TBC1D5: variants seen among roughly 807,000 people sequenced by gnomAD.
TBC1D5 encodes TBC1 domain family member 5.
A neutral mutation model predicts 100.3 loss-of-function variants in TBC1D5; 75 were observed. That is an observed-to-expected ratio of 0.75 (90% CI 0.62 to 0.91). The LOEUF (loss-of-function observed/expected upper bound fraction) is 0.91. Among genes scored for constraint, TBC1D5 ranks in the 40% least tolerant of loss-of-function variants. The pLI, the probability that TBC1D5 is intolerant of heterozygous loss-of-function variation, is 0.00. For missense variants in TBC1D5, 910 were observed against 942.4 expected (o/e 0.97, Z 0.45); for synonymous variants, 323 against 325.6 (o/e 0.99, Z 0.09).
chr3:17,309,315 G>GT (rs1454226043), intron 13 of TBC1D5, among the ~76,000 whole-genome samples: 5 of 151,774 alleles, frequency 3.3e-5, no homozygotes, highest in Non-Finnish European at 7.4e-5. Context: ...TTAAACACAA[G>GT]TTTTTTTATT....
At chr3:17,489,022 C>A (rs1287573893) in intron 3 of TBC1D5, among the ~76,000 whole-genome samples, 3 of 151,364 alleles carry the variant, frequency 2.0e-5, no homozygotes, top group Non-Finnish European at 4.4e-5. Flanking sequence ...GACTCCGGTC[C>A]ATGGAAAAAT....
Position 17,280,615 on chromosome 3 carries a change from C to T in TBC1D5, c.1245+11280G>A, listed in dbSNP as rs534212632. Among the ~76,000 whole-genome samples the T allele has an allele frequency of 8.0e-4, 122 of 152,226 alleles. 1 individual carries two copies. The highest frequency in any genetic ancestry group is 2.9e-3 in the African/African-American group (121 of 41,532). On this transcript the variant is annotated intron_variant, in intron 15 of 21. Coordinates refer to ENST00000253692, the Ensembl canonical transcript of TBC1D5. ...GTTTGATGGTGTCGCTTTGGAAAGC[C>T]GGACTCCAGGGGAAGATCATCTTCC...
intron 13 of TBC1D5, among the ~76,000 whole-genome samples, chr3:17,336,912 AGAG>A: frequency 6.6e-6 from 1 of 152,264 alleles, no homozygotes. Flanking sequence ...ACTTTGCACA[AGAG>A]AAGATATAGT....
At chr3:17,450,816 A>G (rs528489232) in intron 3 of TBC1D5, among the ~76,000 whole-genome samples, 17 of 152,318 alleles carry the variant, frequency 1.1e-4, no homozygotes, top group Non-Finnish European at 1.2e-4. Flanking sequence ...ACACTTCAGG[A>G]TATTATCCAA....
intron 1 of TBC1D5, among the ~76,000 whole-genome samples, chr3:17,659,762 C>T (rs2066468354): frequency 6.6e-6 from 1 of 152,144 alleles, no homozygotes; most frequent in Non-Finnish European, 1.5e-5. Context: ...TTTTTTCTTA[C>T]ATACCAGTAT....
Position 17,702,495 on chromosome 3 carries a change from T to C in TBC1D5, c.-101+36848A>G, listed in dbSNP as rs2073352457. The C allele has an allele frequency of 3.3e-5, 5 of 152,092 alleles. No individual in the cohort carries two copies. In the South Asian group the frequency reaches 1.0e-3, roughly 32 times the overall value. The allele number at this position is 152,092 out of a possible 1,614,324, so 9.4% of individuals were successfully genotyped here. On this transcript the variant is annotated intron_variant, in intron 1 of 21. Coordinates refer to ENST00000253692, the Ensembl canonical transcript of TBC1D5. The stretch of plus-strand genomic sequence containing the variant: ...TGTAAAAGAACATAGTGAACGGCAT[T>C]AAAAAATACACAGAAAAGGATACAT...
chr3:17,341,893 C>A (rs2089016773), intron 13 of TBC1D5, among the ~76,000 whole-genome samples: 1 of 152,118 alleles, frequency 6.6e-6, no homozygotes, highest in Non-Finnish European at 1.5e-5. Context: ...GTAATTACTC[C>A]TAGTCCTTAA....
chr3:17,484,228 T>C (rs1258933015), intron 3 of TBC1D5, among the ~76,000 whole-genome samples: 2 of 152,180 alleles, frequency 1.3e-5, no homozygotes, highest in Non-Finnish European at 2.9e-5. Flanking sequence ...ATTTTCGATA[T>C]GAAACCTGTC....
rs1251471142 is a variant in TBC1D5, at chr3:17,585,965, G to C, written c.-36+37884C>G. Among the ~76,000 whole-genome samples the C allele has an allele frequency of 2.0e-5, 3 of 152,068 alleles. No individual in the cohort carries two copies. In the East Asian group the frequency reaches 5.8e-4, roughly 29 times the overall value. On this transcript the variant is annotated intron_variant, in intron 2 of 21. Transcript: ENST00000253692. Reference sequence around the variant, plus strand: ...TTCCTACTTCTTTAAGAAATGGTGGGGGAGTGGGGAGTGGAGAAAAGAAAA... The same window carrying C: ...TTCCTACTTCTTTAAGAAATGGTGGCGGAGTGGGGAGTGGAGAAAAGAAAA...
rs6807287 is a variant in TBC1D5, at chr3:17,457,693, T to G, written c.98-29174A>C. Among the ~76,000 whole-genome samples the G allele has an allele frequency of 7.0e-3, 1,071 of 152,268 alleles. 8 individuals are homozygous for G. Among genetic ancestry groups the G allele is most frequent in the African/African-American group, 0.024 (1,007 of 41,546 alleles). On this transcript the variant is annotated intron_variant, in intron 3 of 21. Transcript: ENST00000253692. ...TTTGGTTCTAATTGCTTTATCTATTTTGAGTGTTTTTTTTTTCTTGCGCGT... is the reference window on the plus strand; with the variant it reads ...TTTGGTTCTAATTGCTTTATCTATTGTGAGTGTTTTTTTTTTCTTGCGCGT...
intron 2 of TBC1D5, among the ~76,000 whole-genome samples, chr3:17,543,388 C>T (rs1226002194): frequency 1.1e-4 from 17 of 151,994 alleles, no homozygotes; most frequent in Admixed American, 9.8e-4. Flanking sequence ...ATCCCAGCAC[C>T]GTGGGAGGCC....
intron 18 of TBC1D5, among the ~76,000 whole-genome samples, chr3:17,188,546 A>G (rs2069449944): frequency 1.3e-5 from 2 of 152,220 alleles, no homozygotes; most frequent in African/African-American, 4.8e-5. Context: ...AATCCAGTGT[A>G]TTATCCTTCT....
chr3:17,620,449 C>A lies in TBC1D5; in HGVS notation c.-36+3400G>T, dbSNP rs547481843. Among the ~76,000 whole-genome samples, 162 of 152,304 alleles carry A rather than the reference C, an allele frequency of 1.1e-3. 1 individual carries two copies. The highest frequency in any genetic ancestry group is 3.8e-3 in the African/African-American group (157 of 41,548). On this transcript the variant is annotated intron_variant, in intron 2 of 21. Transcript: ENST00000253692. Reference sequence around the variant, plus strand: ...TTGGTTGAAGAAACTACGGCACACACAAAGTAGTAAGCACCTGCAAAAACG... The same window carrying A: ...TTGGTTGAAGAAACTACGGCACACAAAAAGTAGTAAGCACCTGCAAAAACG...
intron 17 of TBC1D5, among the ~76,000 whole-genome samples, chr3:17,230,049 G>A (rs553338660): frequency 6.6e-6 from 1 of 152,268 alleles, no homozygotes; most frequent in Admixed American, 6.5e-5. Context: ...TGAACATAAT[G>A]GAACTACTTG....
intron 17 of TBC1D5, 151 bp downstream of exon 17, chr3:17,238,012 G>T: frequency 8.8e-7 from 1 of 1,142,314 alleles, no homozygotes; most frequent in Non-Finnish European, 1.2e-6. Context: ...AGACCAACAC[G>T]GTATCTAGTA....
intron 16 of TBC1D5, among the ~76,000 whole-genome samples, chr3:17,247,610 A>G (rs2076844363): frequency 6.6e-6 from 1 of 152,158 alleles, no homozygotes; most frequent in African/African-American, 2.4e-5. Flanking sequence ...TTAAAATAAG[A>G]CAACAATGAA....
At chr3:17,373,780 T>C (rs2092582114) in intron 12 of TBC1D5, among the ~76,000 whole-genome samples, 1 of 152,128 alleles carries the variant, frequency 6.6e-6, no homozygotes, top group African/African-American at 2.4e-5. Context: ...ATTCCACTTA[T>C]ATGAAATATC....
At chr3:17,643,616 G>A (rs945298775) in intron 1 of TBC1D5, among the ~76,000 whole-genome samples, 2 of 151,814 alleles carry the variant, frequency 1.3e-5, no homozygotes, top group Non-Finnish European at 2.9e-5. Flanking sequence ...CAAATGTCAA[G>A]GTCTCCAAAA....
At chr3:17,351,372 A>G (rs983780044) in intron 13 of TBC1D5, among the ~76,000 whole-genome samples, 7 of 152,190 alleles carry the variant, frequency 4.6e-5, no homozygotes, top group African/African-American at 1.7e-4. Context: ...AATGTGGCAC[A>G]TATACACCAC....
Sources: allele counts gnomAD v4.1 joint callset (sites outside exome capture counted in the v4.1 genomes callset), GRCh38; gene constraint gnomAD v4.1.1; transcripts MANE v1.5; gene names NCBI Gene and HGNC (gene_info 2026-07-23, HGNC 2026-07-21).